GSK3A: variants seen among roughly 807,000 people sequenced by gnomAD.
The protein encoded by GSK3A is glycogen synthase kinase 3 alpha, also known as glycogen synthase kinase-3 alpha.
GSK3A carries 14 observed loss-of-function variants against 56.6 expected under a neutral mutation model. The observed-to-expected ratio is 0.25, with a 90% confidence interval of 0.16 to 0.39. The LOEUF (loss-of-function observed/expected upper bound fraction) is 0.39, where lower values mean the gene tolerates loss of function less well. GSK3A is among the 10% of genes least tolerant of loss of function. The probability of loss-of-function intolerance (pLI) is 1.00; values close to 1 mark genes in which losing one functional copy is unlikely to be tolerated. For missense variants in GSK3A, 450 were observed against 656.0 expected (o/e 0.69, Z 3.43); for synonymous variants, 301 against 285.0 (o/e 1.06, Z -0.56).
chr19:42,237,496 TAAAA>T (rs1039390514), intron 2 of GSK3A, among the ~76,000 whole-genome samples: 1 of 150,802 alleles, frequency 6.6e-6, no homozygotes, highest in Non-Finnish European at 1.5e-5. Context: ...CCACCCCACT[TAAAA>T]AAAAATTTTT....
chr19:42,238,015 G>C (rs1176030557), intron 2 of GSK3A, among the ~76,000 whole-genome samples: 1 of 151,774 alleles, frequency 6.6e-6, no homozygotes, highest in Non-Finnish European at 1.5e-5. Context: ...CAAGTTCAAG[G>C]ATTACAGGCA....
intron 10 of GSK3A, among the ~76,000 whole-genome samples, chr19:42,231,077 C>A (rs1292048326): frequency 6.6e-6 from 1 of 152,168 alleles, no homozygotes; most frequent in East Asian, 1.9e-4. Context: ...AAGGCGGTGG[C>A]TGGGCTGGGC....
chr19:42,232,038 G>C lies in GSK3A; in HGVS notation c.1378+19C>G, dbSNP rs1216064400. 4.8e-6 allele frequency: 7 copies of C among 1,461,284 alleles called. No individual in the cohort carries two copies. Among genetic ancestry groups the C allele is most frequent in the Non-Finnish European group, 6.7e-6 (7 of 1,045,638 alleles). The allele number at this position is 1,461,284 out of a possible 1,614,324, so 90.5% of individuals were successfully genotyped here. A position where few individuals can be genotyped will look rare whatever the true frequency, so the allele number is the denominator to read the frequency against. ...AGGCTGAGAGATACTTTAACCCCCA[G>C]CAGATGGTCCCCACTTACCTTGTGA... On this transcript the variant is annotated intron_variant, in intron 10 of 10. Coordinates refer to ENST00000222330, the MANE Select transcript of GSK3A (RefSeq NM_019884.3).
rs1037873607 is a variant in GSK3A, at chr19:42,232,094, G to T, written c.1341C>A (p.Ser447=). The T allele has an allele frequency of 3.1e-6, 5 of 1,609,868 alleles. No individual in the cohort carries two copies. In the African/African-American group the frequency reaches 5.3e-5, roughly 17 times the overall value. Residue 447 remains serine (S), a synonymous_variant, in exon 10 of 11, where the codon TCC becomes TCA. Transcript: ENST00000222330. ...NAILIPPHLR[S]PAGTTTLTPS... is the part of the protein sequence containing the mutation. ...GGGTGAGGGTGGTAGTGCCCGCTGG[G>T]GACCTCAAGTGAGGAGGGATGAGAA...
intron 6 of GSK3A, among the ~76,000 whole-genome samples, chr19:42,233,584 GT>G (rs1332466056): frequency 6.6e-6 from 1 of 152,174 alleles, no homozygotes; most frequent in African/African-American, 2.4e-5. Flanking sequence ...GTCTAGGTGT[GT>G]TTCCAGCCCT....
At position 42,242,602 on chromosome 19, in the gene GSK3A, C is replaced by T; in HGVS notation, c.-137G>A. 1.4e-6 allele frequency: 1 copy of T among 715,074 alleles called. No individual in the cohort carries two copies. Among genetic ancestry groups the T allele is most frequent in the Non-Finnish European group, 1.9e-6 (1 of 518,610 alleles). The allele number at this position is 715,074 out of a possible 1,614,324, so 44.3% of individuals were successfully genotyped here. A position where few individuals can be genotyped will look rare whatever the true frequency, so the allele number is the denominator to read the frequency against. On this transcript the variant is annotated 5_prime_UTR_variant, in exon 1 of 11. Coordinates refer to ENST00000222330, the MANE Select transcript of GSK3A (RefSeq NM_019884.3). ...GGCTTGGGCTCCGGCTCCGGCCCAG[C>T]GCCCGCCGCGGGGCACGCCGGGAGA... is the stretch of plus-strand genomic sequence containing the variant.
At chr19:42,241,992 G>T in intron 1 of GSK3A, 191 bp downstream of exon 1, 1 of 426,810 alleles carries the variant, frequency 2.3e-6, no homozygotes, top group Non-Finnish European at 4.0e-6. Context: ...TCTGATCCAC[G>T]AGTAATTCTG....
At chr19:42,232,035 C>T in intron 10 of GSK3A, 22 bp downstream of exon 10, 1 of 1,428,186 alleles carries the variant, frequency 7.0e-7, no homozygotes, top group South Asian at 1.2e-5. Flanking sequence ...ACTTTAACCC[C>T]CAGCAGATGG....
chr19:42,242,347 G>T lies in GSK3A; in HGVS notation c.119C>A (p.Ala40Asp). 1 of 1,420,356 alleles carries T rather than the reference G, an allele frequency of 7.0e-7. No individual in the cohort carries two copies. Among genetic ancestry groups the T allele is most frequent in the African/African-American group, 1.5e-5 (1 of 66,836 alleles). The allele number at this position is 1,420,356 out of a possible 1,614,324, so 88.0% of individuals were successfully genotyped here. Residue 40 changes from alanine (A) to aspartate (D), a missense_variant, in exon 1 of 11, where the codon GCC becomes GAC. Coordinates refer to ENST00000222330, the MANE Select transcript of GSK3A (RefSeq NM_019884.3). Reference protein sequence around the residue: ...GGGGGGPGGSASGPGGTGGGK... With the variant: ...GGGGGGPGGSDSGPGGTGGGK... ...GCCGCCGGTGCCGCCTGGGCCGGAG[G>T]CCGAGCCTCCGGGGCCGCCGCCGCC...
chr19:42,238,029 G>A (rs1351918966), intron 2 of GSK3A, among the ~76,000 whole-genome samples: 4 of 151,722 alleles, frequency 2.6e-5, no homozygotes, highest in African/African-American at 7.3e-5. Flanking sequence ...ACAGGCATGA[G>A]CTACCATACC....
intron 7 of GSK3A, 31 bp downstream of exon 7, chr19:42,233,255 A>ACCCCCAGGCCCCCCCCCCCCCCCCCCCAC: frequency 8.4e-7 from 1 of 1,197,372 alleles, no homozygotes; most frequent in Non-Finnish European, 1.2e-6. Flanking sequence ...CCTCAGCCCC[A>ACCCCCAGGCCCCCCCCCCCCCCCCCCCAC]CCCCCTGCCC....
rs569240973 is a variant in GSK3A, at chr19:42,239,557, A to T, written c.471+398T>A. ...TCTCTCCTGGGAAGAAGTGTAACCA[A>T]ATGGTTAAGGTAGAGGGTTTGGGAA... On this transcript the variant is annotated intron_variant, in intron 2 of 10. Coordinates refer to ENST00000222330, the MANE Select transcript of GSK3A (RefSeq NM_019884.3). Among the ~76,000 whole-genome samples, 6 of 152,036 alleles carry T rather than the reference A, an allele frequency of 3.9e-5. No homozygotes were observed. The South Asian group carries it at 1.2e-3, about 32-fold the overall frequency.
rs1599808342 is a variant in GSK3A at position 42,230,597 on chromosome 19, A to G, written c.*197T>C. 2.0e-5 allele frequency: 12 copies of G among 594,956 alleles called. No homozygotes were observed. Among genetic ancestry groups the G allele is most frequent in the Non-Finnish European group, 2.7e-5 (9 of 330,770 alleles). The allele number at this position is 594,956 out of a possible 1,614,324, so 36.9% of individuals were successfully genotyped here. On this transcript the variant is annotated 3_prime_UTR_variant, in exon 11 of 11. Transcript: ENST00000222330. ...GTCCTTCTCTTCCCTCCCCACAACC[A>G]GTTAAAATCCTCTTAAAAAGCCCAC...
rs2036229810 is a variant in GSK3A at position 42,232,406 on chromosome 19, C to T, written c.1285+90G>A. 6 of 1,240,290 alleles carry T rather than the reference C, an allele frequency of 4.8e-6. No homozygotes were observed. The South Asian group carries it at 6.5e-5, about 13-fold the overall frequency. The allele number at this position is 1,240,290 out of a possible 1,614,324, so 76.8% of individuals were successfully genotyped here. On this transcript the variant is annotated intron_variant, in intron 9 of 10. Transcript: ENST00000222330. ...CCTGCCTTGTACCCTGCCCTTAGCT[C>T]CCCACTCCTGCTTCAACACCAAGCT...
rs1398075648 is a variant in GSK3A, at chr19:42,242,388, G to A, written c.78C>T (p.Gly26=). ...CGCCGCCGCCTCCTCCGCCTCCGCCGCCGGGCTCCGCGAACGAGCTAGTCC... is the reference window on the plus strand; with the variant it reads ...CGCCGCCGCCTCCTCCGCCTCCGCCACCGGGCTCCGCGAACGAGCTAGTCC... ...RARTSSFAEP[G]GGGGGGGGGP... The change falls in exon 1 of 11, where the codon GGC becomes GGT. Residue 26 remains glycine (G), a synonymous_variant. Coordinates refer to ENST00000222330, the MANE Select transcript of GSK3A (RefSeq NM_019884.3). 1.4e-6 allele frequency: 2 copies of A among 1,387,888 alleles called. No homozygotes were observed. The highest frequency in any genetic ancestry group is 1.9e-6 in the Non-Finnish European group (2 of 1,072,498). 86.0% of individuals were successfully genotyped at this position (1,387,888 alleles called of 1,614,324 possible). A position where few individuals can be genotyped will look rare whatever the true frequency, so the allele number is the denominator to read the frequency against.
At position 42,234,779 on chromosome 19, in the gene GSK3A, C is replaced by T. The variant is rs2036245805; in HGVS notation, c.667-101G>A. Reference sequence around the variant, plus strand: ...GAAGAGCCCTTCCAGGCCCACTCTCCCTGCTGCCCCCACAGCTTTGGGGAA... The same window carrying T: ...GAAGAGCCCTTCCAGGCCCACTCTCTCTGCTGCCCCCACAGCTTTGGGGAA... On this transcript the variant is annotated intron_variant, in intron 4 of 10. Coordinates refer to ENST00000222330, the MANE Select transcript of GSK3A (RefSeq NM_019884.3). This position sits in a 1 kb window ranked among gnomAD's most constrained non-coding sequence, Gnocchi z 5.7. The T allele has an allele frequency of 1.6e-6, 2 of 1,220,334 alleles. No homozygotes were observed. Among genetic ancestry groups the T allele is most frequent in the African/African-American group, 1.5e-5 (1 of 65,582 alleles). The allele number at this position is 1,220,334 out of a possible 1,614,324, so 75.6% of individuals were successfully genotyped here. A position where few individuals can be genotyped will look rare whatever the true frequency, so the allele number is the denominator to read the frequency against.
chr19:42,230,711 C>A lies in GSK3A; in HGVS notation c.*83G>T. ...CTCTAGTCTAGGGGCCCAGCCAGGG[C>A]AGGAGCTTGATGGGCTATGGCCCCC... On this transcript the variant is annotated 3_prime_UTR_variant, in exon 11 of 11. Transcript: ENST00000222330. The A allele has an allele frequency of 2.9e-6, 3 of 1,037,144 alleles. No homozygotes were observed. 64.2% of individuals were successfully genotyped at this position (1,037,144 alleles called of 1,614,324 possible).
intron 4 of GSK3A, among the ~76,000 whole-genome samples, chr19:42,235,946 G>A (rs1162823659): frequency 3.3e-5 from 5 of 152,276 alleles, no homozygotes; most frequent in East Asian, 1.9e-4. Context: ...TGCTTGGTAC[G>A]TAAAGCCAGC....
Position 42,234,743 on chromosome 19 carries a change from C to T in GSK3A, c.667-65G>A. ...TCCCCATACAGCACCACTACCCCAC[C>T]AGCTTGGCCTGAAGAGCCCTTCCAG... On this transcript the variant is annotated intron_variant, in intron 4 of 10. Transcript: ENST00000222330. The surrounding 1 kb of genome is among the most constrained non-coding windows in gnomAD (Gnocchi z 5.7). 1 of 1,459,946 alleles carries T rather than the reference C, an allele frequency of 6.8e-7. No homozygotes were observed. Among genetic ancestry groups the T allele is most frequent in the Non-Finnish European group, 9.1e-7 (1 of 1,098,972 alleles). 90.4% of individuals were successfully genotyped at this position (1,459,946 alleles called of 1,614,324 possible).
Sources: allele counts gnomAD v4.1 joint callset (sites outside exome capture counted in the v4.1 genomes callset), GRCh38; gene constraint gnomAD v4.1.1; non-coding constraint Gnocchi (gnomAD v3.1); transcripts MANE v1.5; gene names NCBI Gene and HGNC (gene_info 2026-07-23, HGNC 2026-07-21).